KLF16: variants seen among roughly 807,000 people sequenced by gnomAD.
KLF16 encodes the protein KLF transcription factor 16, also known as Krueppel-like factor 16.
KLF16 carries 6 observed loss-of-function variants against 6.1 expected under a neutral mutation model. The ratio of observed to expected loss-of-function variants is 0.98; its 90% confidence interval spans 0.54 to 1.93. KLF16 has a LOEUF of 1.93. Among genes scored for constraint, KLF16 ranks in the 30% most tolerant of loss-of-function variants. The probability of loss-of-function intolerance (pLI) is 0.01; values close to 1 mark genes in which losing one functional copy is unlikely to be tolerated. For synonymous variants in KLF16, 211 were observed against 176.5 expected (o/e 1.20, Z -1.55); for missense variants, 355 against 363.8 (o/e 0.98, Z 0.20).
At chr19:1,862,161 C>T (rs186522499) in intron 1 of KLF16, 1 of 151,334 alleles carries the variant, frequency 6.6e-6, no homozygotes, top group East Asian at 1.9e-4. Flanking sequence ...CCATCAAGGC[C>T]CACCGTCCCC....
the KLF16 span, among the ~76,000 whole-genome samples, chr19:1,871,467 TA>T: frequency 6.6e-6 from 1 of 152,122 alleles, no homozygotes; most frequent in Non-Finnish European, 1.5e-5. Context: ...AACAAAACCC[TA>T]AAGTCCCCAC....
Position 1,863,226 on chromosome 19 carries a change from G to T in KLF16, c.272C>A (p.Pro91His). 9.1e-7 allele frequency: 1 copy of T among 1,101,838 alleles called. No individual in the cohort carries two copies. The highest frequency in any genetic ancestry group is 4.3e-5 in the South Asian group (1 of 23,202). 68.3% of individuals were successfully genotyped at this position (1,101,838 alleles called of 1,614,324 possible). A position where few individuals can be genotyped will look rare whatever the true frequency, so the allele number is the denominator to read the frequency against. The change falls in exon 1 of 2, where the codon CCC (proline) becomes CAC (histidine). Residue 91 changes from proline to histidine, a missense_variant. Pro to His is a moderately conservative substitution (Grantham distance 77, BLOSUM62 -2). Coordinates refer to ENST00000250916, the MANE Select transcript of KLF16 (RefSeq NM_031918.4). Reference protein sequence around the residue: ...ASILADLRGGPGAAPGGASPA... With the variant: ...ASILADLRGGHGAAPGGASPA... ...CGAGGCGCCCCCCGGGGCGGCTCCG[G>T]GTCCGCCGCGCAGGTCGGCCAGGAT...
chr19:1,863,883 C>A (rs1350718607), upstream of KLF16, among the ~76,000 whole-genome samples: 1 of 148,466 alleles, frequency 6.7e-6, no homozygotes, highest in Non-Finnish European at 1.5e-5. Flanking sequence ...CCGGAGCGCG[C>A]CTTCTCCGCG....
the KLF16 span, chr19:1,874,746 CAAAAAAAAAAAAAAAAA>C: frequency 2.6e-4 from 11 of 42,002 alleles, no homozygotes; most frequent in Middle Eastern, 0.024. Flanking sequence ...GTCAGAGTCC[CAAAAAAAAAAAAAAAAA>C]AAAAAAAAAA....
At chr19:1,873,020 G>A in the KLF16 span, among the ~76,000 whole-genome samples, 1 of 152,116 alleles carries the variant, frequency 6.6e-6, no homozygotes, top group African/African-American at 2.4e-5. Context: ...GAGGAAAGAG[G>A]AGGCGCCTGC....
chr19:1,854,679 G>T lies in KLF16; in HGVS notation c.539C>A (p.Thr180Lys). ...RSDELARHHR[T>K]HTGEKRFSCP... ...GGAGAAGCGCTTCTCGCCCGTGTGC[G>T]TCCGGTGGTGGCGGGCCAGCTCGTC... Residue 180 changes from threonine (T) to lysine (K), a missense_variant, in exon 2 of 2, where the codon ACG becomes AAG. Transcript: ENST00000250916. 2 of 1,600,576 alleles carry T rather than the reference G, an allele frequency of 1.2e-6. No individual in the cohort carries two copies. The highest frequency in any genetic ancestry group is 1.7e-6 in the Non-Finnish European group (2 of 1,179,632).
At chr19:1,876,027 C>G in the KLF16 span, 1 of 152,316 alleles carries the variant, frequency 6.6e-6, no homozygotes, top group Admixed American at 6.5e-5. Flanking sequence ...AACTCGAGGC[C>G]GAGGGAAGGA....
upstream of KLF16, among the ~76,000 whole-genome samples, chr19:1,864,876 C>T (rs2012160097): frequency 6.6e-6 from 1 of 152,192 alleles, no homozygotes; most frequent in Admixed American, 6.5e-5. Context: ...CCAGCTCCGG[C>T]GGGGCGGCGG....
the KLF16 span, among the ~76,000 whole-genome samples, chr19:1,869,925 T>G: frequency 3.6e-3 from 508 of 141,050 alleles, 3 homozygotes; most frequent in Non-Finnish European, 4.6e-3. Context: ...AGATAAATAC[T>G]TTTTCTTTTT....
At position 1,857,551 on chromosome 19, in the gene KLF16, C is replaced by T. The variant is rs1183098973; in HGVS notation, c.458-2791G>A. Among the ~76,000 whole-genome samples the T allele has an allele frequency of 2.6e-5, 4 of 152,244 alleles. No homozygotes were observed. Among genetic ancestry groups the T allele is most frequent in the Non-Finnish European group, 5.9e-5 (4 of 67,998 alleles). On this transcript the variant is annotated intron_variant, in intron 1 of 1. Transcript: ENST00000250916. This position sits in a 1 kb window ranked among gnomAD's most constrained non-coding sequence, Gnocchi z 4.7. Reference sequence around the variant, plus strand: ...TCCAGGAAGTCCTGGAAACCTGGCCCGGCCCCGTCTGAGCCGGCACAGGAG... The same window carrying T: ...TCCAGGAAGTCCTGGAAACCTGGCCTGGCCCCGTCTGAGCCGGCACAGGAG...
chr19:1,874,022 C>T, the KLF16 span, among the ~76,000 whole-genome samples: 2 of 152,202 alleles, frequency 1.3e-5, no homozygotes, highest in African/African-American at 2.4e-5. Flanking sequence ...GAGGGAGGGG[C>T]GGCCCCAAAT....
chr19:1,854,332 T>C lies in KLF16; in HGVS notation c.*127A>G, dbSNP rs996220120. 8.5e-7 allele frequency: 1 copy of C among 1,180,754 alleles called. No homozygotes were observed. The highest frequency in any genetic ancestry group is 1.1e-6 in the Non-Finnish European group (1 of 910,288). The allele number at this position is 1,180,754 out of a possible 1,614,324, so 73.1% of individuals were successfully genotyped here. A position where few individuals can be genotyped will look rare whatever the true frequency, so the allele number is the denominator to read the frequency against. On this transcript the variant is annotated 3_prime_UTR_variant, in exon 2 of 2. Coordinates refer to ENST00000250916, the MANE Select transcript of KLF16 (RefSeq NM_031918.4). ...AGTCTCAGGCCCCCTCCTCACTCTC[T>C]GGAGGGGGGCAGGGGTGTCTTCAGG...
At chr19:1,870,952 C>T in the KLF16 span, among the ~76,000 whole-genome samples, 2 of 152,296 alleles carry the variant, frequency 1.3e-5, no homozygotes, top group African/African-American at 2.4e-5. Context: ...GCCAAGATTG[C>T]GCCACTGCAC....
rs1352469298 is a variant in KLF16, at chr19:1,863,326, G to A, written c.172C>T (p.Pro58Ser). ...REAASPGTPG[P>S]PPPPPAASGP... Reference sequence around the variant, plus strand: ...GAAGCGGCGGGGGGCGGCGGGGGTGGCCCCGGGGTCCCGGGTGAGGCGGCC... The same window carrying A: ...GAAGCGGCGGGGGGCGGCGGGGGTGACCCCGGGGTCCCGGGTGAGGCGGCC... Residue 58 changes from proline to serine, a missense_variant, in exon 1 of 2, where the codon CCA (proline) becomes TCA (serine). Pro to Ser is a moderately conservative substitution (Grantham distance 74, BLOSUM62 -1). Transcript: ENST00000250916. The A allele has an allele frequency of 6.1e-6, 6 of 980,952 alleles. No homozygotes were observed. In the African/African-American group the frequency reaches 8.9e-5, roughly 15 times the overall value. The allele number at this position is 980,952 out of a possible 1,614,324, so 60.8% of individuals were successfully genotyped here. A position where few individuals can be genotyped will look rare whatever the true frequency, so the allele number is the denominator to read the frequency against.
At chr19:1,872,943 C>T in the KLF16 span, among the ~76,000 whole-genome samples, 1 of 152,072 alleles carries the variant, frequency 6.6e-6, no homozygotes, top group South Asian at 2.1e-4. Flanking sequence ...AACAAGGCGG[C>T]CCTGCACTCC....
intron 1 of KLF16, among the ~76,000 whole-genome samples, chr19:1,856,480 G>GA (rs1457552871): frequency 6.6e-6 from 1 of 152,144 alleles, no homozygotes; most frequent in Non-Finnish European, 1.5e-5. Context: ...TGGAGAGGGG[G>GA]AGAGACCAGC....
At chr19:1,865,293 G>A (rs1229644712), upstream of KLF16, among the ~76,000 whole-genome samples, 5 of 152,240 alleles carry the variant, frequency 3.3e-5, no homozygotes, top group East Asian at 9.7e-4. Flanking sequence ...GGGGGTCGGC[G>A]TTCCTGCTCC....
the KLF16 span, among the ~76,000 whole-genome samples, chr19:1,868,851 C>T: frequency 5.9e-5 from 9 of 152,112 alleles, no homozygotes; most frequent in East Asian, 9.7e-4. Flanking sequence ...TCATGTTGAC[C>T]GGGCTGGTCT....
chr19:1,859,509 C>T (rs911906871), intron 1 of KLF16, among the ~76,000 whole-genome samples: 29 of 152,118 alleles, frequency 1.9e-4, no homozygotes, highest in Non-Finnish European at 3.2e-4. Context: ...AGCGTCCCCA[C>T]CCTCGGGATT....
Sources: allele counts gnomAD v4.1 joint callset (sites outside exome capture counted in the v4.1 genomes callset), GRCh38; gene constraint gnomAD v4.1.1; non-coding constraint Gnocchi (gnomAD v3.1); transcripts MANE v1.5; gene names NCBI Gene and HGNC (gene_info 2026-07-23, HGNC 2026-07-21).